The following HECW1 variants were observed in gnomAD, a reference collection of about 807,000 sequenced individuals.
HECW1 encodes HECT, C2 and WW domain containing E3 ubiquitin protein ligase 1, also known as E3 ubiquitin-protein ligase HECW1.
In HECW1, 61 loss-of-function variants were observed where a neutral mutation model predicts 182.3. The ratio of observed to expected loss-of-function variants is 0.33; its 90% CI spans 0.27 to 0.41. The LOEUF (loss-of-function observed/expected upper bound fraction) is 0.41, where lower values mean the gene tolerates loss of function less well. Among genes scored for constraint, HECW1 ranks in the 10% least tolerant of loss-of-function variants. HECW1 has a pLI of 1.00. For synonymous variants in HECW1, 859 were observed against 832.6 expected (o/e 1.03, Z -0.55); for missense variants, 1,739 against 2,108.9 (o/e 0.82, Z 3.44).
chr7:43,381,752 G>A (rs1346920598), intron 6 of HECW1, among the ~76,000 whole-genome samples: 1 of 152,112 alleles, frequency 6.6e-6, no homozygotes, highest in Non-Finnish European at 1.5e-5. Flanking sequence ...GCAAACTCTC[G>A]ACCTCAGGTG....
At chr7:43,426,046 G>C (rs1453160448) in intron 8 of HECW1, among the ~76,000 whole-genome samples, 2 of 152,120 alleles carry the variant, frequency 1.3e-5, no homozygotes, top group African/African-American at 4.8e-5. Flanking sequence ...ACTGGGATGA[G>C]GAGAGACAGA....
chr7:43,226,185 C>G (rs1484711517), intron 2 of HECW1, among the ~76,000 whole-genome samples: 1 of 152,136 alleles, frequency 6.6e-6, no homozygotes, highest in East Asian at 1.9e-4. Context: ...TAATATCATG[C>G]TTTATATGAA....
At chr7:43,445,965 G>A (rs1223444557) in intron 11 of HECW1, among the ~76,000 whole-genome samples, 4 of 152,176 alleles carry the variant, frequency 2.6e-5, no homozygotes, top group Non-Finnish European at 4.4e-5. Flanking sequence ...AATGGATAAT[G>A]TGTAAATATC....
intron 3 of HECW1, among the ~76,000 whole-genome samples, chr7:43,251,238 C>A (rs1799994225): frequency 6.6e-6 from 1 of 152,200 alleles, no homozygotes; most frequent in Non-Finnish European, 1.5e-5. Flanking sequence ...CTTCTGCAAT[C>A]CCAGATTCCT....
At chr7:43,454,193 G>C (rs2077327195) in intron 12 of HECW1, among the ~76,000 whole-genome samples, 1 of 152,168 alleles carries the variant, frequency 6.6e-6, no homozygotes, top group Non-Finnish European at 1.5e-5. Context: ...GGTTCCTGGA[G>C]GGCAGGGTCA....
At chr7:43,553,336 C>T (rs144233913) in intron 28 of HECW1, among the ~76,000 whole-genome samples, 27 of 152,268 alleles carry the variant, frequency 1.8e-4, no homozygotes, top group African/African-American at 6.5e-4. Context: ...CCAGTACACT[C>T]AGCCCCGCAA....
chr7:43,400,444 G>A (rs747710109), intron 7 of HECW1, among the ~76,000 whole-genome samples: 73 of 152,084 alleles, frequency 4.8e-4, no homozygotes, highest in Non-Finnish European at 4.3e-4. Flanking sequence ...ATGCTCGTAG[G>A]TAAACAACAG....
chr7:43,245,957 C>T (rs1014777850), intron 3 of HECW1, among the ~76,000 whole-genome samples: 1 of 152,104 alleles, frequency 6.6e-6, no homozygotes, highest in South Asian at 2.1e-4. Flanking sequence ...TCAAAGTTCC[C>T]TACACCTTCC....
At chr7:43,395,865 T>C (rs187283736) in intron 6 of HECW1, among the ~76,000 whole-genome samples, 14 of 152,300 alleles carry the variant, frequency 9.2e-5, no homozygotes, top group Non-Finnish European at 1.9e-4. Flanking sequence ...TCACAACCTA[T>C]ACAGCATCAA....
intron 2 of HECW1, among the ~76,000 whole-genome samples, chr7:43,175,792 A>C (rs1182253525): frequency 6.6e-6 from 1 of 152,128 alleles, no homozygotes; most frequent in Non-Finnish European, 1.5e-5. Flanking sequence ...CGCTTTGATA[A>C]ATGCAGCCTT....
At chr7:43,425,846 C>G (rs1330919887) in intron 8 of HECW1, among the ~76,000 whole-genome samples, 2 of 152,196 alleles carry the variant, frequency 1.3e-5, no homozygotes, top group Non-Finnish European at 2.9e-5. Flanking sequence ...ACCTCTAATA[C>G]TGCTAAAATG....
At chr7:43,418,819 A>G (rs762828755) in intron 8 of HECW1, among the ~76,000 whole-genome samples, 4 of 152,134 alleles carry the variant, frequency 2.6e-5, no homozygotes, top group Non-Finnish European at 4.4e-5. Flanking sequence ...AAAATGGGTC[A>G]TGTTTTGTGT....
At chr7:43,387,927 A>G (rs1367158907) in intron 6 of HECW1, among the ~76,000 whole-genome samples, 1 of 152,242 alleles carries the variant, frequency 6.6e-6, no homozygotes, top group African/African-American at 2.4e-5. Flanking sequence ...ATACAATATA[A>G]ATAACAACAT....
intron 7 of HECW1, among the ~76,000 whole-genome samples, chr7:43,397,257 C>A (rs141080141): frequency 6.6e-6 from 1 of 152,242 alleles, no homozygotes; most frequent in African/African-American, 2.4e-5. Flanking sequence ...TGGGGCACAA[C>A]TGGCAAAACA....
chr7:43,415,809 A>T (rs1184704227), intron 8 of HECW1, among the ~76,000 whole-genome samples: 1 of 141,590 alleles, frequency 7.1e-6, no homozygotes, highest in African/African-American at 2.7e-5. Flanking sequence ...CCTTTCTTCC[A>T]GTTGATCGCA....
At chr7:43,517,710 C>A (rs2080231196) in intron 24 of HECW1, among the ~76,000 whole-genome samples, 1 of 152,084 alleles carries the variant, frequency 6.6e-6, no homozygotes, top group Non-Finnish European at 1.5e-5. Context: ...ATCAGGTAAG[C>A]CCCAGCCCCA....
intron 2 of HECW1, among the ~76,000 whole-genome samples, chr7:43,229,368 G>A (rs533949634): frequency 6.6e-6 from 1 of 151,974 alleles, no homozygotes; most frequent in Non-Finnish European, 1.5e-5. Flanking sequence ...AACTAACACA[G>A]GAACAGAAAA....
intron 2 of HECW1, among the ~76,000 whole-genome samples, chr7:43,125,039 C>T (rs1157193020): frequency 1.3e-5 from 2 of 152,092 alleles, no homozygotes; most frequent in Non-Finnish European, 2.9e-5. Context: ...AAATCCAACC[C>T]AGTGTGGTCG....
At chr7:43,216,005 A>T (rs1584012140) in intron 2 of HECW1, among the ~76,000 whole-genome samples, 1 of 152,296 alleles carries the variant, frequency 6.6e-6, no homozygotes, top group East Asian at 1.9e-4. Context: ...GAGATGTTGT[A>T]CAGTTTATGG....
Sources: gnomAD v4.1 joint callset for allele counts (sites outside exome capture counted in the v4.1 genomes callset) on GRCh38, gnomAD v4.1.1 for gene constraint, MANE v1.5 for transcripts, NCBI Gene and HGNC (gene_info 2026-07-23, HGNC 2026-07-21) for gene names.